ANKRD11: variants seen among roughly 807,000 people sequenced by gnomAD.
ANKRD11 encodes the protein ankyrin repeat domain-containing protein 11.
A neutral mutation model predicts 195.7 loss-of-function variants in ANKRD11; 17 were observed. The observed-to-expected ratio is 0.09, with a 90% CI of 0.06 to 0.13. The LOEUF (loss-of-function observed/expected upper bound fraction) is 0.13. ANKRD11 is among the 10% of genes least tolerant of loss of function. The probability of loss-of-function intolerance (pLI) is 1.00; values close to 1 mark genes in which losing one functional copy is unlikely to be tolerated. For missense variants in ANKRD11, 3,735 were observed against 3,566.1 expected (o/e 1.05, Z -1.21); for synonymous variants, 1,953 against 1,528.1 (o/e 1.28, Z -6.49).
chr16:89,268,735 TGCCA>T, intron 12 of ANKRD11, 72 bp from the exon 13 acceptor site: 1 of 1,523,190 alleles, frequency 6.6e-7, no homozygotes, highest in Non-Finnish European at 8.9e-7. Context: ...CGACCTCAGC[TGCCA>T]GCAGGGCCAA....
Position 89,283,052 on chromosome 16 carries a change from G to C in ANKRD11, c.3490C>G (p.His1164Asp), listed in dbSNP as rs773174988. 1 of 1,613,860 alleles carries C rather than the reference G, an allele frequency of 6.2e-7. No homozygotes were observed. Among genetic ancestry groups the C allele is most frequent in the Non-Finnish European group, 8.5e-7 (1 of 1,180,012 alleles). The change falls in exon 9 of 13, where the codon CAC (histidine) becomes GAC (aspartate). Residue 1164 changes from histidine to aspartate, a missense_variant. Coordinates refer to ENST00000301030, the MANE Select transcript of ANKRD11 (RefSeq NM_013275.6). The surrounding 1 kb of genome is among the most constrained non-coding windows in gnomAD (Gnocchi z 4.3). The part of the protein sequence containing the change: ...EGREAYASDR[H>D]RKSSDKQHPE... ...TGCTGCTTGTCAGAAGACTTCCTGTGTCTGTCGGAGGCATAGGCCTCCCGT... is the reference window on the plus strand; with the variant it reads ...TGCTGCTTGTCAGAAGACTTCCTGTCTCTGTCGGAGGCATAGGCCTCCCGT...
chr16:89,347,573 T>C lies in ANKRD11; in HGVS notation c.-59-30495A>G, dbSNP rs2039003484. Among the ~76,000 whole-genome samples, 3 of 146,644 alleles carry C rather than the reference T, an allele frequency of 2.0e-5. No individual in the cohort carries two copies. In the South Asian group the frequency reaches 6.4e-4, roughly 31 times the overall value. On this transcript the variant is annotated intron_variant, in intron 2 of 12. Coordinates refer to ENST00000301030, the MANE Select transcript of ANKRD11 (RefSeq NM_013275.6). ...TTGCAGCGAGCCAAGATCACGCCAC[T>C]GCATTCCAGCCTGGGCGACAGAGCG...
At chr16:89,442,138 G>A (rs1219123299) in intron 1 of ANKRD11, among the ~76,000 whole-genome samples, 6 of 152,232 alleles carry the variant, frequency 3.9e-5, no homozygotes. Flanking sequence ...AGTGCACCGA[G>A]GGCCAAGGCG....
At chr16:89,447,804 C>CT (rs753581064) in intron 1 of ANKRD11, among the ~76,000 whole-genome samples, 10,642 of 135,240 alleles carry the variant, frequency 0.079, 613 homozygotes, top group East Asian at 0.22. Context: ...ATAACTTTTT[C>CT]TTTTTTTTTT....
At chr16:89,457,289 T>A (rs988988176) in intron 1 of ANKRD11, among the ~76,000 whole-genome samples, 1 of 150,224 alleles carries the variant, frequency 6.7e-6, no homozygotes, top group African/African-American at 2.4e-5. Context: ...TAAAGTAGTA[T>A]GTCAGACTCA....
Position 89,463,195 on chromosome 16 carries a change from G to A in ANKRD11, c.-145+27050C>T, listed in dbSNP as rs534489530. The stretch of plus-strand genomic sequence containing the variant: ...GTGTGCCCAACAGCTCATTGAGAAC[G>A]GGCCATGATGACAGTGGCGGTTTTG... On this transcript the variant is annotated intron_variant, in intron 1 of 12. Transcript: ENST00000301030. Among the ~76,000 whole-genome samples, 662 of 152,338 alleles carry A rather than the reference G, an allele frequency of 4.3e-3. 10 individuals carry two copies. The highest frequency in any genetic ancestry group is 0.015 in the African/African-American group (628 of 41,586).
At chr16:89,468,410 T>C (rs1359847835) in intron 1 of ANKRD11, among the ~76,000 whole-genome samples, 1 of 152,040 alleles carries the variant, frequency 6.6e-6, no homozygotes, top group Non-Finnish European at 1.5e-5. Context: ...ACCAACAGAA[T>C]GAAGCAAAAG....
At chr16:89,304,986 A>G in intron 4 of ANKRD11, 1 of 660,518 alleles carries the variant, frequency 1.5e-6, no homozygotes. Flanking sequence ...CCCAAGAGTG[A>G]AGCTCTCCAA....
chr16:89,353,438 G>A (rs2039316137), intron 2 of ANKRD11, among the ~76,000 whole-genome samples: 1 of 152,186 alleles, frequency 6.6e-6, no homozygotes, highest in Admixed American at 6.5e-5. Flanking sequence ...AATACCAGCA[G>A]TAAGAGGAAC....
At chr16:89,313,342 T>A in intron 3 of ANKRD11, 1 of 1,287,368 alleles carries the variant, frequency 7.8e-7, no homozygotes, top group Non-Finnish European at 1.0e-6. Context: ...CACTCAACGA[T>A]GCAGACACCT....
chr16:89,318,754 T>A (rs578056199), intron 2 of ANKRD11, among the ~76,000 whole-genome samples: 1 of 152,334 alleles, frequency 6.6e-6, no homozygotes, highest in South Asian at 2.1e-4. Flanking sequence ...GCTGTCTTGG[T>A]ATTTAACTGG....
intron 2 of ANKRD11, among the ~76,000 whole-genome samples, chr16:89,334,338 T>G (rs2038235895): frequency 1.3e-5 from 2 of 151,786 alleles, no homozygotes; most frequent in African/African-American, 4.8e-5. Flanking sequence ...CTGAAGTTGG[T>G]GACATGTGAG....
chr16:89,286,900 C>G, intron 7 of ANKRD11: 1 of 1,289,328 alleles, frequency 7.8e-7, no homozygotes, highest in Non-Finnish European at 1.0e-6. Flanking sequence ...TTAGCGCATT[C>G]AAAGAATCTG....
At chr16:89,467,772 C>T (rs867356337) in intron 1 of ANKRD11, among the ~76,000 whole-genome samples, 13 of 152,066 alleles carry the variant, frequency 8.5e-5, no homozygotes, top group Admixed American at 5.9e-4. Context: ...TCAGATAAGA[C>T]GACTGGGTGA....
chr16:89,301,353 A>G (rs1476446148), intron 4 of ANKRD11: 2 of 391,800 alleles, frequency 5.1e-6, no homozygotes, highest in Admixed American at 4.4e-5. Context: ...CAGATATCAT[A>G]TAATTTAATA....
Position 89,282,026 on chromosome 16 carries a change from C to A in ANKRD11, c.4516G>T (p.Asp1506Tyr), listed in dbSNP as rs1373098566. ...HRDEQKPATRDKDSPPRVLKD... is the reference protein window; with the variant it reads ...HRDEQKPATRYKDSPPRVLKD... ...AGCACGCGGGGCGGGCTGTCCTTGTCCCTGGTGGCGGGCTTCTGCTCGTCC... is the reference window on the plus strand; with the variant it reads ...AGCACGCGGGGCGGGCTGTCCTTGTACCTGGTGGCGGGCTTCTGCTCGTCC... Residue 1506 changes from aspartate (D) to tyrosine (Y), a missense_variant, in exon 9 of 13, where the codon GAC becomes TAC. By Grantham distance (160) the Asp-to-Tyr change is radical. Coordinates refer to ENST00000301030, the MANE Select transcript of ANKRD11 (RefSeq NM_013275.6). 3.1e-6 allele frequency: 5 copies of A among 1,613,592 alleles called. No individual in the cohort carries two copies. The highest frequency in any genetic ancestry group is 4.5e-5 in the East Asian group (2 of 44,874).
At chr16:89,471,802 A>G (rs911261324) in intron 1 of ANKRD11, among the ~76,000 whole-genome samples, 50 of 151,394 alleles carry the variant, frequency 3.3e-4, no homozygotes, top group Non-Finnish European at 1.3e-4. Flanking sequence ...AAAAAAAAAA[A>G]AAAAAAGATA....
chr16:89,386,556 C>T (rs1008290218), intron 2 of ANKRD11, among the ~76,000 whole-genome samples: 3 of 152,202 alleles, frequency 2.0e-5, no homozygotes, highest in African/African-American at 7.2e-5. Flanking sequence ...TGGCCCGCAA[C>T]GACCTTGCAT....
intron 3 of ANKRD11, 79 bp downstream of exon 3, chr16:89,316,854 C>G (rs903344547): frequency 6.5e-7 from 1 of 1,527,434 alleles, no homozygotes; most frequent in Admixed American, 1.9e-5. Context: ...GAACAGGCCA[C>G]AGGCGGGCAG....
Sources: gnomAD v4.1 joint callset for allele counts (sites outside exome capture counted in the v4.1 genomes callset) on GRCh38, gnomAD v4.1.1 for gene constraint, Gnocchi (gnomAD v3.1) non-coding constraint, MANE v1.5 for transcripts, NCBI Gene and HGNC (gene_info 2026-07-23, HGNC 2026-07-21) for gene names.